The following SUPT3H variants were observed in gnomAD, a reference collection of about 807,000 sequenced individuals.
The protein encoded by SUPT3H is transcription initiation protein SPT3 homolog.
SUPT3H carries 44 observed loss-of-function variants against 44.3 expected under a neutral mutation model. That is an observed-to-expected ratio of 0.99 (90% CI 0.78 to 1.28). SUPT3H has a LOEUF of 1.28. Among genes scored for constraint, SUPT3H ranks in the 50% most tolerant of loss-of-function variants. The pLI, the probability that SUPT3H is intolerant of heterozygous loss-of-function variation, is 0.00. For missense variants in SUPT3H, 380 were observed against 387.1 expected (o/e 0.98, Z 0.15); for synonymous variants, 124 against 125.6 (o/e 0.99, Z 0.09).
intron 2 of SUPT3H, among the ~76,000 whole-genome samples, chr6:45,133,353 T>C (rs921943110): frequency 1.3e-5 from 2 of 152,216 alleles, no homozygotes; most frequent in Non-Finnish European, 2.9e-5. Flanking sequence ...AACTGTTCTT[T>C]CAAATACAGA....
chr6:45,143,676 G>A (rs1408655188), intron 2 of SUPT3H, among the ~76,000 whole-genome samples: 1 of 151,892 alleles, frequency 6.6e-6, no homozygotes, highest in Non-Finnish European at 1.5e-5. Flanking sequence ...CCCAAAGCCA[G>A]CAGAAGAAAA....
intron 2 of SUPT3H, among the ~76,000 whole-genome samples, chr6:45,113,104 GTT>G (rs11349771): frequency 2.6e-4 from 38 of 148,298 alleles, no homozygotes; most frequent in South Asian, 8.5e-4. Context: ...CAAAAGAAAG[GTT>G]TTTTTTTTTT....
intron 11 of SUPT3H, among the ~76,000 whole-genome samples, chr6:44,814,346 G>T (rs1321302971): frequency 6.6e-6 from 1 of 152,142 alleles, no homozygotes; most frequent in African/African-American, 2.4e-5. Context: ...TAAAGGCCAG[G>T]CAGTGATCCA....
intron 2 of SUPT3H, among the ~76,000 whole-genome samples, chr6:45,214,385 T>C (rs1452047741): frequency 6.6e-6 from 1 of 151,794 alleles, no homozygotes; most frequent in East Asian, 1.9e-4. Flanking sequence ...TCAGGATTAC[T>C]TGGAGAAAGG....
At chr6:45,159,549 G>C (rs1808594519) in intron 2 of SUPT3H, 1 of 152,128 alleles carries the variant, frequency 6.6e-6, no homozygotes, top group South Asian at 2.1e-4. Context: ...AGGCCAGCAA[G>C]AACCATGTAG....
chr6:45,075,706 A>G (rs1224667191), intron 3 of SUPT3H, among the ~76,000 whole-genome samples: 1 of 152,110 alleles, frequency 6.6e-6, no homozygotes, highest in African/African-American at 2.4e-5. Flanking sequence ...AGAAACTATT[A>G]TTATTTAACA....
At chr6:45,209,841 A>T (rs1171334951) in intron 2 of SUPT3H, among the ~76,000 whole-genome samples, 1 of 152,196 alleles carries the variant, frequency 6.6e-6, no homozygotes, top group Admixed American at 6.5e-5. Flanking sequence ...CTGGTGCAGC[A>T]AAGTTCATTG....
At chr6:45,206,786 A>G (rs1478953003) in intron 2 of SUPT3H, among the ~76,000 whole-genome samples, 4 of 152,124 alleles carry the variant, frequency 2.6e-5, no homozygotes, top group Non-Finnish European at 4.4e-5. Context: ...GCTGGAAGTA[A>G]AGAATTGCCA....
At chr6:45,365,416 A>C (rs914931202) in intron 1 of SUPT3H, 115 bp from the exon 2 acceptor site, 13 of 692,770 alleles carry the variant, frequency 1.9e-5, no homozygotes, top group African/African-American at 1.8e-4. Context: ...TAAATTTCTG[A>C]TTTGTTTTGC....
chr6:44,885,817 C>T lies in SUPT3H; in HGVS notation c.912+46836G>A, dbSNP rs146196302. On this transcript the variant is annotated intron_variant, in intron 10 of 10. Transcript: ENST00000371459. ...AAGGCTTCAGACGATCAAACTACTCCGAGCTACAGGAGGAAATTCAAACCA... is the reference window on the plus strand; with the variant it reads ...AAGGCTTCAGACGATCAAACTACTCTGAGCTACAGGAGGAAATTCAAACCA... Among the ~76,000 whole-genome samples, 368 of 152,180 alleles carry T rather than the reference C, an allele frequency of 2.4e-3. 1 individual carries two copies. The highest frequency in any genetic ancestry group is 3.8e-3 in the Non-Finnish European group (258 of 68,016).
chr6:45,044,264 C>T (rs1002453363), intron 3 of SUPT3H, among the ~76,000 whole-genome samples: 92 of 152,156 alleles, frequency 6.0e-4, no homozygotes, highest in African/African-American at 2.2e-3. Flanking sequence ...CTACACAAAT[C>T]CTGCTTTGTA....
intron 3 of SUPT3H, among the ~76,000 whole-genome samples, chr6:45,025,491 T>C (rs1278066562): frequency 6.6e-6 from 1 of 152,208 alleles, no homozygotes; most frequent in African/African-American, 2.4e-5. Flanking sequence ...GTAACAGAAA[T>C]GAGTTAAGCT....
At chr6:45,035,843 A>C (rs189631465) in intron 3 of SUPT3H, among the ~76,000 whole-genome samples, 325 of 152,258 alleles carry the variant, frequency 2.1e-3, no homozygotes, top group Non-Finnish European at 3.7e-3. Flanking sequence ...AAAATAAAAA[A>C]GGTAAGTTAG....
intron 2 of SUPT3H, among the ~76,000 whole-genome samples, chr6:45,217,506 A>T (rs1765278346): frequency 6.6e-6 from 1 of 151,974 alleles, no homozygotes; most frequent in Non-Finnish European, 1.5e-5. Context: ...AAAATATAAA[A>T]TGATGACATC....
chr6:45,300,854 T>C (rs571355657), intron 2 of SUPT3H, among the ~76,000 whole-genome samples: 134 of 151,598 alleles, frequency 8.8e-4, no homozygotes, highest in Non-Finnish European at 1.5e-3. Context: ...TCTGTGCACA[T>C]GATTGAGGAA....
At chr6:44,851,630 C>T (rs1000657603) in intron 10 of SUPT3H, among the ~76,000 whole-genome samples, 2 of 152,068 alleles carry the variant, frequency 1.3e-5, no homozygotes, top group Non-Finnish European at 2.9e-5. Flanking sequence ...AATTTCCATA[C>T]CAATGGAGAC....
chr6:45,295,548 A>AAAAAAAAAAAAAAAC (rs1554330142), intron 2 of SUPT3H, among the ~76,000 whole-genome samples: 8 of 90,218 alleles, frequency 8.9e-5, no homozygotes, highest in Non-Finnish European at 1.3e-4. Flanking sequence ...AAAAAAAAAA[A>AAAAAAAAAAAAAAAC]AAAAAACAGC....
At chr6:45,219,264 T>C (rs977123427) in intron 2 of SUPT3H, among the ~76,000 whole-genome samples, 2 of 151,794 alleles carry the variant, frequency 1.3e-5, no homozygotes, top group African/African-American at 2.4e-5. Context: ...GAATTTAAAG[T>C]AGGAAAATAG....
At chr6:45,083,670 G>T (rs1198289100) in intron 3 of SUPT3H, among the ~76,000 whole-genome samples, 2 of 151,340 alleles carry the variant, frequency 1.3e-5, no homozygotes, top group Non-Finnish European at 2.9e-5. Flanking sequence ...ACAGTCAGAG[G>T]CATCATATAC....
Sources: gnomAD v4.1 joint callset for allele counts (sites outside exome capture counted in the v4.1 genomes callset) on GRCh38, gnomAD v4.1.1 for gene constraint, MANE v1.5 for transcripts, NCBI Gene and HGNC (gene_info 2026-07-23, HGNC 2026-07-21) for gene names.